The following PDXDC1 variants were observed in gnomAD, a reference collection of about 807,000 sequenced individuals.
PDXDC1 encodes pyridoxal-dependent decarboxylase domain-containing protein 1.
PDXDC1 carries 42 observed loss-of-function variants against 100.1 expected under a neutral mutation model. The ratio of observed to expected loss-of-function variants is 0.42; its 90% CI spans 0.33 to 0.54. The LOEUF is 0.54. Among genes scored for constraint, PDXDC1 ranks in the 20% least tolerant of loss-of-function variants. PDXDC1 has a pLI of 0.10. For synonymous variants in PDXDC1, 260 were observed against 371.7 expected (o/e 0.70, Z 3.46); for missense variants, 636 against 979.2 (o/e 0.65, Z 4.68).
chr16:15,122,142 C>G (rs1296387591), intron 16 of PDXDC1, among the ~76,000 whole-genome samples: 2 of 151,962 alleles, frequency 1.3e-5, no homozygotes, highest in African/African-American at 2.4e-5. Context: ...CCAGCCTGGG[C>G]GACAGAGTGA....
downstream of PDXDC1, chr16:15,039,934 T>C: frequency 7.9e-7 from 1 of 1,263,426 alleles, no homozygotes; most frequent in Non-Finnish European, 1.1e-6. Flanking sequence ...GCCTTTTTTT[T>C]TTTAACCCCT....
chr16:14,988,886 G>T, intron 1 of PDXDC1: 1 of 1,613,846 alleles, frequency 6.2e-7, no homozygotes, highest in Non-Finnish European at 8.5e-7. Context: ...ACAGGTCAGA[G>T]AGCTGCAGGA....
At chr16:15,129,961 G>T (rs1185132029) in intron 16 of PDXDC1, 3 of 1,401,404 alleles carry the variant, frequency 2.1e-6, no homozygotes, top group Non-Finnish European at 3.0e-6. Flanking sequence ...GGATGGCGCG[G>T]CCCCGGCTGG....
intron 16 of PDXDC1, among the ~76,000 whole-genome samples, chr16:15,092,874 T>C (rs1461970980): frequency 6.6e-6 from 1 of 152,200 alleles, no homozygotes; most frequent in Non-Finnish European, 1.5e-5. Flanking sequence ...CCTACCTCTC[T>C]CACCTCATCT....
At chr16:15,123,206 G>T (rs1368438962) in intron 16 of PDXDC1, among the ~76,000 whole-genome samples, 1 of 151,018 alleles carries the variant, frequency 6.6e-6, no homozygotes, top group Non-Finnish European at 1.5e-5. Context: ...TCCAAGTAGC[G>T]CCCGCATCAT....
intron 16 of PDXDC1, among the ~76,000 whole-genome samples, chr16:15,119,438 G>C (rs1645073391): frequency 7.3e-6 from 1 of 137,234 alleles, no homozygotes; most frequent in Non-Finnish European, 1.5e-5. Context: ...TTTTGAGACA[G>C]AGTTCTGCTC....
chr16:15,038,710 T>C (rs374022020), downstream of PDXDC1: 32 of 1,360,724 alleles, frequency 2.4e-5, no homozygotes, highest in African/African-American at 2.3e-4. Flanking sequence ...GTGTCAAGGA[T>C]AGAATTTCAG....
chr16:15,124,416 T>G lies in PDXDC1; in HGVS notation c.1400-14463T>G, dbSNP rs545949783. The stretch of plus-strand genomic sequence containing the variant: ...TAAACAGGAAATATTCTATTGATGC[T>G]ACAAATAGAAAGCCAATGCCTTTAC... On this transcript the variant is annotated intron_variant, in intron 16 of 16. Transcript: ENST00000535621. 6.6e-5 allele frequency among the ~76,000 whole-genome samples: 10 copies of G among 152,214 alleles called. No individual in the cohort carries two copies. In the South Asian group the frequency reaches 2.1e-3, roughly 32 times the overall value.
rs1180418093 is a variant in PDXDC1 at position 15,036,260 on chromosome 16, G to GGA, written c.2356_2357dup (p.Ser786ArgfsTer3). The GGA allele has an allele frequency of 6.2e-7, 1 of 1,613,648 alleles. No homozygotes were observed. Among genetic ancestry groups the GGA allele is most frequent in the East Asian group, 2.2e-5 (1 of 44,882 alleles). On this transcript the variant is annotated frameshift_variant, in exon 23 of 23. Coordinates refer to ENST00000396410, the MANE Select transcript of PDXDC1 (RefSeq NM_015027.4). LOFTEE classifies it high-confidence loss of function. ...ATGACCACTCACAGGTAGAAGGACC[G>GGA]GAGAGCTTAAGATGAGACTCATTGT...
At chr16:15,129,538 G>A (rs1243151909) in intron 16 of PDXDC1, among the ~76,000 whole-genome samples, 1 of 152,246 alleles carries the variant, frequency 6.6e-6, no homozygotes, top group Non-Finnish European at 1.5e-5. Context: ...GAGGGTGCTG[G>A]CGCCTCCGTC....
chr16:15,063,263 G>C, intron 16 of PDXDC1: 3 of 1,612,932 alleles, frequency 1.9e-6, no homozygotes, highest in Non-Finnish European at 2.5e-6. Context: ...CTGATAAATA[G>C]GATCAATGAA....
intron 16 of PDXDC1, among the ~76,000 whole-genome samples, chr16:15,078,821 T>C (rs1240080432): frequency 1.3e-5 from 2 of 150,392 alleles, no homozygotes; most frequent in Non-Finnish European, 3.0e-5. Context: ...TCTTTTTTTT[T>C]TTTTTTTTGA....
intron 16 of PDXDC1, among the ~76,000 whole-genome samples, chr16:15,056,378 C>T (rs1199827182): frequency 6.6e-6 from 1 of 152,246 alleles, no homozygotes; most frequent in Admixed American, 6.5e-5. Flanking sequence ...CCGACTGCTG[C>T]GCTTTAGGTC....
intron 8 of PDXDC1, among the ~76,000 whole-genome samples, chr16:15,011,147 A>C (rs1404306637): frequency 6.6e-6 from 1 of 152,306 alleles, no homozygotes; most frequent in East Asian, 1.9e-4. Context: ...AAAGAACAAA[A>C]TTGGAAGACT....
downstream of PDXDC1, among the ~76,000 whole-genome samples, chr16:15,141,034 C>T (rs1287629568): frequency 6.6e-6 from 1 of 150,500 alleles, no homozygotes; most frequent in Non-Finnish European, 1.5e-5. Flanking sequence ...CCTGAGCACC[C>T]GCCCAGCCCC....
At chr16:15,035,360 A>T in intron 21 of PDXDC1, 89 bp from the exon 22 acceptor site, 1 of 629,424 alleles carries the variant, frequency 1.6e-6, no homozygotes, top group Non-Finnish European at 2.7e-6. Flanking sequence ...GAAGGAGGTT[A>T]TTGGGGAGCA....
chr16:15,141,910 C>A (rs572082510), downstream of PDXDC1, among the ~76,000 whole-genome samples: 1 of 152,178 alleles, frequency 6.6e-6, no homozygotes, highest in East Asian at 1.9e-4. Flanking sequence ...GACTTTTCAG[C>A]GGCTGCGGCG....
intron 1 of PDXDC1, among the ~76,000 whole-genome samples, chr16:14,984,402 GTTTT>G (rs144252060): frequency 8.7e-6 from 1 of 114,870 alleles, no homozygotes; most frequent in African/African-American, 3.4e-5. Context: ...GTTTGTGTGG[GTTTT>G]TTTTTTTTTT....
the PDXDC1 span, among the ~76,000 whole-genome samples, chr16:15,146,257 G>A: frequency 6.6e-6 from 1 of 152,148 alleles, no homozygotes; most frequent in Non-Finnish European, 1.5e-5. Context: ...GGGGGACGTC[G>A]AGGCTCAAGC....
Sources: gnomAD v4.1 joint callset for allele counts (sites outside exome capture counted in the v4.1 genomes callset) on GRCh38, gnomAD v4.1.1 for gene constraint, MANE v1.5 for transcripts, NCBI Gene and HGNC (gene_info 2026-07-23, HGNC 2026-07-21) for gene names.